ASAP2: variants seen among roughly 807,000 people sequenced by gnomAD.
ASAP2 encodes the protein ArfGAP with SH3 domain, ankyrin repeat and PH domain 2.
Under a neutral mutation model 131.4 loss-of-function variants are expected in ASAP2, and 45 were observed. The observed-to-expected ratio is 0.34, with a 90% CI of 0.27 to 0.44. The LOEUF (loss-of-function observed/expected upper bound fraction) is 0.44. Among genes scored for constraint, ASAP2 ranks in the 20% least tolerant of loss-of-function variants. The pLI, the probability that ASAP2 is intolerant of heterozygous loss-of-function variation, is 1.00. For synonymous variants in ASAP2, 510 were observed against 503.0 expected (o/e 1.01, Z -0.19); for missense variants, 1,011 against 1,297.0 (o/e 0.78, Z 3.39).
At chr2:9,317,979 C>T (rs945260502) in intron 3 of ASAP2, among the ~76,000 whole-genome samples, 2 of 147,390 alleles carry the variant, frequency 1.4e-5, no homozygotes, top group Admixed American at 6.7e-5. Flanking sequence ...CTCATTGACA[C>T]ACACTCTCCG....
At chr2:9,302,297 C>T (rs917323536) in intron 3 of ASAP2, among the ~76,000 whole-genome samples, 4 of 151,740 alleles carry the variant, frequency 2.6e-5, no homozygotes, top group Non-Finnish European at 4.4e-5. Context: ...CTCAGCCTCC[C>T]GAGTAGCTGG....
At chr2:9,215,067 C>G (rs1661918301) in intron 1 of ASAP2, among the ~76,000 whole-genome samples, 1 of 152,092 alleles carries the variant, frequency 6.6e-6, no homozygotes, top group Admixed American at 6.5e-5. Flanking sequence ...TTACACACAC[C>G]CAGATGGCAT....
intron 4 of ASAP2, 82 bp from the exon 5 acceptor site, chr2:9,320,206 G>A: frequency 1.7e-6 from 2 of 1,151,806 alleles, no homozygotes; most frequent in Admixed American, 1.9e-5. Flanking sequence ...GCTCCTTTCA[G>A]GGCTAGTACA....
chr2:9,302,122 CTTTTTT>C (rs60869426), intron 3 of ASAP2, among the ~76,000 whole-genome samples: 1 of 103,398 alleles, frequency 9.7e-6, no homozygotes, highest in Non-Finnish European at 1.9e-5. Flanking sequence ...CGCGCCCGGC[CTTTTTT>C]TTTTTTTTTT....
chr2:9,361,611 A>G (rs1363335498), intron 15 of ASAP2, among the ~76,000 whole-genome samples: 2 of 150,538 alleles, frequency 1.3e-5, no homozygotes, highest in East Asian at 3.9e-4. Context: ...TCCATGACCC[A>G]GGCTGGAGTC....
rs535698373 is a variant in ASAP2, at chr2:9,213,366, G to A, written c.126+6136G>A. On this transcript the variant is annotated intron_variant, in intron 1 of 27. Coordinates refer to ENST00000281419, the MANE Select transcript of ASAP2 (RefSeq NM_003887.3). ...AGAAGGATGAGAGACGGGCAGAGGG[G>A]TGGGCAGTGCCAGGTCACAGAGGGC... Among the ~76,000 whole-genome samples the A allele has an allele frequency of 2.6e-5, 4 of 152,324 alleles. No homozygotes were observed. The East Asian group carries it at 5.8e-4, about 22-fold the overall frequency.
intron 1 of ASAP2, among the ~76,000 whole-genome samples, chr2:9,266,147 C>CTTTTTTTTT (rs3053782): frequency 7.5e-6 from 1 of 133,900 alleles, no homozygotes. Context: ...GCCTTTTTAT[C>CTTTTTTTTT]TTTTTTTTTT....
At chr2:9,355,957 A>C in intron 12 of ASAP2, 90 bp from the exon 13 acceptor site, 1 of 1,471,386 alleles carries the variant, frequency 6.8e-7, no homozygotes, top group Non-Finnish European at 9.5e-7. Flanking sequence ...AGCTAAGATT[A>C]TTCCAGAGGC....
intron 1 of ASAP2, among the ~76,000 whole-genome samples, chr2:9,220,293 A>C (rs923455913): frequency 5.9e-5 from 9 of 152,186 alleles, no homozygotes; most frequent in Non-Finnish European, 8.8e-5. Flanking sequence ...CTTTTTGAGG[A>C]GCTGCCAAAC....
At chr2:9,373,298 C>T (rs534693859) in intron 16 of ASAP2, among the ~76,000 whole-genome samples, 27 of 152,194 alleles carry the variant, frequency 1.8e-4, no homozygotes, top group Non-Finnish European at 3.8e-4. Flanking sequence ...TCAGGTGGAA[C>T]GGGCACCCTG....
intron 1 of ASAP2, among the ~76,000 whole-genome samples, chr2:9,267,689 G>A (rs182368172): frequency 6.6e-6 from 1 of 152,072 alleles, no homozygotes; most frequent in East Asian, 1.9e-4. Flanking sequence ...TTGAGGCCGG[G>A]AGTTCGAGAC....
At chr2:9,329,021 C>T (rs533072090) in intron 7 of ASAP2, among the ~76,000 whole-genome samples, 1 of 152,096 alleles carries the variant, frequency 6.6e-6, no homozygotes, top group Non-Finnish European at 1.5e-5. Flanking sequence ...ACACAGTGCC[C>T]GGAACACAGT....
At chr2:9,264,973 A>C (rs1189594598) in intron 1 of ASAP2, among the ~76,000 whole-genome samples, 1 of 152,042 alleles carries the variant, frequency 6.6e-6, no homozygotes, top group African/African-American at 2.4e-5. Context: ...ACGTCTCTGC[A>C]AAAAATTTGA....
chr2:9,341,547 C>T (rs1300972703), intron 9 of ASAP2, among the ~76,000 whole-genome samples: 4 of 152,144 alleles, frequency 2.6e-5, no homozygotes, highest in African/African-American at 7.2e-5. Flanking sequence ...ATGCGCGGCA[C>T]GAACAGTGTT....
intron 2 of ASAP2, among the ~76,000 whole-genome samples, chr2:9,290,964 A>T (rs994244837): frequency 6.6e-6 from 1 of 152,180 alleles, no homozygotes; most frequent in African/African-American, 2.4e-5. Context: ...TAGCATTTTG[A>T]TGTATTATCT....
chr2:9,393,497 C>T lies in ASAP2; in HGVS notation c.2534C>T (p.Thr845Met), dbSNP rs764705597. Reference sequence around the variant, plus strand: ...TCCTCCGCAGATCCCCTGACCCCCACGCCGCCCCCACCCGTTGCCAAGACG... The same window carrying T: ...TCCTCCGCAGATCCCCTGACCCCCATGCCGCCCCCACCCGTTGCCAAGACG... ...RVTSTNPLTP[T>M]PPPPVAKTPS... Residue 845 changes from threonine (T) to methionine (M), a missense_variant, in exon 24 of 28, where the codon ACG becomes ATG. By Grantham distance (81) the Thr-to-Met change is moderately conservative. Coordinates refer to ENST00000281419, the MANE Select transcript of ASAP2 (RefSeq NM_003887.3). The T allele has an allele frequency of 1.4e-4, 232 of 1,606,582 alleles. 2 individuals carry two copies. In the East Asian group the frequency reaches 3.6e-3, roughly 25 times the overall value.
rs1663057150 is a variant in ASAP2, at chr2:9,230,165, CACAT to C, written c.126+22937_126+22940del. On this transcript the variant is annotated intron_variant, in intron 1 of 27. Coordinates refer to ENST00000281419, the MANE Select transcript of ASAP2 (RefSeq NM_003887.3). ...TAGGCACTCACAGTTTCAGAATAAACACATATGTAAACAGCTGATTACCATATGG... is the reference window on the plus strand; with the variant it reads ...TAGGCACTCACAGTTTCAGAATAAACATGTAAACAGCTGATTACCATATGG... Among the ~76,000 whole-genome samples the C allele has an allele frequency of 3.3e-5, 5 of 152,308 alleles. No homozygotes were observed. The South Asian group carries it at 1.0e-3, about 32-fold the overall frequency.
rs1572418224 is a variant in ASAP2, at chr2:9,311,791, G to A, written c.346-6733G>A. 6.6e-6 allele frequency among the ~76,000 whole-genome samples: 1 copy of A among 152,174 alleles called. No individual in the cohort carries two copies. Among genetic ancestry groups the A allele is most frequent in the African/African-American group, 2.4e-5 (1 of 41,428 alleles). On this transcript the variant is annotated intron_variant, in intron 3 of 27. Transcript: ENST00000281419. This position sits in a 1 kb window ranked among gnomAD's most constrained non-coding sequence, Gnocchi z 5.2. ...CTGCAGGGCACACCTGCCGAGAAGC[G>A]CGTCTGGCCCCCACGCACTTGTTCT...
At chr2:9,228,583 G>A (rs187924571) in intron 1 of ASAP2, among the ~76,000 whole-genome samples, 38 of 152,186 alleles carry the variant, frequency 2.5e-4, no homozygotes, top group African/African-American at 8.2e-4. Flanking sequence ...CAGAGTGAGC[G>A]GCCCCCATCT....
Sources: gnomAD v4.1 joint callset for allele counts (sites outside exome capture counted in the v4.1 genomes callset) on GRCh38, gnomAD v4.1.1 for gene constraint, Gnocchi (gnomAD v3.1) non-coding constraint, MANE v1.5 for transcripts, NCBI Gene and HGNC (gene_info 2026-07-23, HGNC 2026-07-21) for gene names.